DPP6: variants seen among roughly 807,000 people sequenced by gnomAD.
The protein encoded by DPP6 is dipeptidyl peptidase like 6.
DPP6 carries 69 observed loss-of-function variants against 122.6 expected under a neutral mutation model. That is an observed-to-expected ratio of 0.56 (90% CI 0.46 to 0.69). DPP6 has a LOEUF of 0.69. Ranked by LOEUF, DPP6 falls within the 30% of genes least tolerant of loss-of-function variation. DPP6 has a pLI of 0.00. For missense variants in DPP6, 928 were observed against 1,116.9 expected (o/e 0.83, Z 2.41); for synonymous variants, 418 against 433.1 (o/e 0.97, Z 0.43).
chr7:154,296,110 A>T (rs192034545), intron 1 of DPP6, among the ~76,000 whole-genome samples: 12,976 of 151,770 alleles, frequency 0.085, 736 homozygotes, highest in African/African-American at 0.16. Flanking sequence ...ATGCTGGCTA[A>T]TTTTTTGTAT....
chr7:153,855,418 C>G, the DPP6 span, among the ~76,000 whole-genome samples: 1 of 152,102 alleles, frequency 6.6e-6, no homozygotes, highest in African/African-American at 2.4e-5. Flanking sequence ...CATTTTCTCC[C>G]TTGAAAATTG....
chr7:153,905,152 C>G (rs1207946616), intron 1 of DPP6, among the ~76,000 whole-genome samples: 1 of 152,194 alleles, frequency 6.6e-6, no homozygotes. Flanking sequence ...CACAGTCGAA[C>G]AAGGCAGGTC....
intron 5 of DPP6, among the ~76,000 whole-genome samples, chr7:154,620,123 CT>C (rs773551612): frequency 5.9e-5 from 9 of 152,200 alleles, no homozygotes; most frequent in Non-Finnish European, 8.8e-5. Flanking sequence ...ACCCCAGCTC[CT>C]CTAGAGGACT....
chr7:153,986,690 G>T (rs761182447), intron 1 of DPP6, among the ~76,000 whole-genome samples: 1 of 152,116 alleles, frequency 6.6e-6, no homozygotes. Flanking sequence ...TTGGAATTCC[G>T]CAAGTGCTTC....
chr7:154,889,410 GT>G, intron 24 of DPP6, 46 bp from the exon 25 acceptor site: 1 of 1,597,790 alleles, frequency 6.3e-7, no homozygotes. Flanking sequence ...GGCACCATGG[GT>G]TTTAACAAAT....
intron 16 of DPP6, among the ~76,000 whole-genome samples, chr7:154,812,135 C>A (rs1031244894): frequency 2.0e-5 from 3 of 152,152 alleles, no homozygotes; most frequent in Non-Finnish European, 4.4e-5. Context: ...AGGTGGATAC[C>A]AACCAGCCAA....
intron 3 of DPP6, among the ~76,000 whole-genome samples, chr7:154,482,362 T>C (rs918827880): frequency 6.6e-6 from 1 of 152,214 alleles, no homozygotes; most frequent in Non-Finnish European, 1.5e-5. Context: ...TTATTGGCAC[T>C]GAAGGTTTTA....
At position 154,425,529 on chromosome 7, in the gene DPP6, A is replaced by C. The variant is rs1241875832; in HGVS notation, c.244-20685A>C. Among the ~76,000 whole-genome samples, 10 of 151,806 alleles carry C rather than the reference A, an allele frequency of 6.6e-5. No individual in the cohort carries two copies. The East Asian group carries it at 1.6e-3, about 24-fold the overall frequency. ...CCTATGTGAGCTTGCTAGTTAGTTG[A>C]TACATGCAGGAGTGTGGTGGCCTCA... On this transcript the variant is annotated intron_variant, in intron 1 of 25. Transcript: ENST00000377770.
At chr7:154,239,902 G>T (rs977493477) in intron 1 of DPP6, among the ~76,000 whole-genome samples, 1 of 148,214 alleles carries the variant, frequency 6.7e-6, no homozygotes, top group African/African-American at 2.5e-5. Flanking sequence ...TGAGGCAGGA[G>T]AATCACTTGA....
chr7:154,201,695 G>A lies in DPP6; in HGVS notation c.243+148632G>A, dbSNP rs73729301. On this transcript the variant is annotated intron_variant, in intron 1 of 25. Coordinates refer to ENST00000377770, the MANE Select transcript of DPP6 (RefSeq NM_130797.4). Reference sequence around the variant, plus strand: ...GGTACAGCTGCAGATAGATCCATAGGAAACAGGGACTCCAAGAATAGCAGT... The same window carrying A: ...GGTACAGCTGCAGATAGATCCATAGAAAACAGGGACTCCAAGAATAGCAGT... Among the ~76,000 whole-genome samples the A allele has an allele frequency of 7.9e-3, 1,197 of 152,166 alleles. 22 individuals carry two copies. Among genetic ancestry groups the A allele is most frequent in the African/African-American group, 0.027 (1,129 of 41,456 alleles).
At chr7:154,401,278 C>T (rs920817908) in intron 1 of DPP6, among the ~76,000 whole-genome samples, 19 of 151,556 alleles carry the variant, frequency 1.3e-4, no homozygotes, top group African/African-American at 3.9e-4. Context: ...ATTTACTGTG[C>T]CTGATTCTAA....
intron 1 of DPP6, among the ~76,000 whole-genome samples, chr7:154,224,659 G>A (rs1800492718): frequency 6.7e-6 from 1 of 148,964 alleles, no homozygotes; most frequent in Admixed American, 6.6e-5. Context: ...TTTGTTTTTG[G>A]TTTCAAAATG....
intron 13 of DPP6, among the ~76,000 whole-genome samples, chr7:154,802,109 G>C (rs911336927): frequency 6.6e-6 from 1 of 152,086 alleles, no homozygotes; most frequent in African/African-American, 2.4e-5. Flanking sequence ...GTTGACTTTG[G>C]GGGACTCTGC....
intron 1 of DPP6, among the ~76,000 whole-genome samples, chr7:154,124,343 AG>A: frequency 6.6e-6 from 1 of 152,202 alleles, no homozygotes; most frequent in East Asian, 1.9e-4. Flanking sequence ...GAGCGGGAGC[AG>A]GGGAGGAGGG....
chr7:154,522,193 C>T (rs1827046465), intron 3 of DPP6, among the ~76,000 whole-genome samples: 1 of 152,146 alleles, frequency 6.6e-6, no homozygotes, highest in South Asian at 2.1e-4. Context: ...CCAGGATGAT[C>T]TCAATCTCCT....
At chr7:154,615,413 T>G (rs1586737607) in intron 5 of DPP6, among the ~76,000 whole-genome samples, 1 of 152,358 alleles carries the variant, frequency 6.6e-6, no homozygotes, top group Admixed American at 6.5e-5. Context: ...TACAATACTT[T>G]CACATTTTCT....
intron 13 of DPP6, among the ~76,000 whole-genome samples, chr7:154,803,472 T>C (rs974919623): frequency 1.3e-5 from 2 of 152,216 alleles, no homozygotes; most frequent in South Asian, 4.1e-4. Context: ...GGCATTTGTC[T>C]CTTTCCTCCC....
chr7:154,060,562 G>A (rs367872979), intron 1 of DPP6, among the ~76,000 whole-genome samples: 1,730 of 103,672 alleles, frequency 0.017, 11 homozygotes, highest in Non-Finnish European at 0.02. Context: ...ATCTTCCGAC[G>A]GCAGGTACCT....
intron 7 of DPP6, among the ~76,000 whole-genome samples, chr7:154,722,266 T>C (rs1841856292): frequency 6.6e-6 from 1 of 152,216 alleles, no homozygotes; most frequent in South Asian, 2.1e-4. Context: ...CTGAGGCAGA[T>C]AACAGTCCAG....
Sources: allele counts gnomAD v4.1 joint callset (sites outside exome capture counted in the v4.1 genomes callset), GRCh38; gene constraint gnomAD v4.1.1; transcripts MANE v1.5; gene names NCBI Gene and HGNC (gene_info 2026-07-23, HGNC 2026-07-21).